The following MYH10 variants were observed in gnomAD, a reference collection of about 807,000 sequenced individuals.
The protein encoded by MYH10 is myosin heavy chain 10, also known as myosin-10.
A neutral mutation model predicts 257.8 loss-of-function variants in MYH10; 55 were observed. That is an observed-to-expected ratio of 0.21 (90% CI 0.17 to 0.27). MYH10 has a LOEUF of 0.27. Among genes scored for constraint, MYH10 ranks in the 10% least tolerant of loss-of-function variants. MYH10 has a pLI of 1.00. For synonymous variants in MYH10, 854 were observed against 921.7 expected (o/e 0.93, Z 1.33); for missense variants, 1,631 against 2,500.6 (o/e 0.65, Z 7.42).
At chr17:8,488,027 G>A (rs1302450591) in intron 35 of MYH10, among the ~76,000 whole-genome samples, 1 of 152,210 alleles carries the variant, frequency 6.6e-6, no homozygotes, top group African/African-American at 2.4e-5. Context: ...GCATGGCCAT[G>A]TTGCAGGGGT....
At chr17:8,593,237 AT>A (rs1284400455) in intron 3 of MYH10, among the ~76,000 whole-genome samples, 1 of 151,990 alleles carries the variant, frequency 6.6e-6, no homozygotes, top group Non-Finnish European at 1.5e-5. Context: ...ATCCTCTTTA[AT>A]AGTGAAAAAC....
intron 24 of MYH10, among the ~76,000 whole-genome samples, chr17:8,510,252 C>T (rs997656323): frequency 3.9e-5 from 6 of 151,936 alleles, no homozygotes; most frequent in African/African-American, 1.5e-4. Flanking sequence ...CCATGTTAGC[C>T]AGGATGGTCT....
chr17:8,536,351 A>G lies in MYH10; in HGVS notation c.1606-420T>C, dbSNP rs912936940. Among the ~76,000 whole-genome samples, 5 of 152,184 alleles carry G rather than the reference A, an allele frequency of 3.3e-5. No individual in the cohort carries two copies. The East Asian group carries it at 9.6e-4, about 29-fold the overall frequency. On this transcript the variant is annotated intron_variant, in intron 14 of 42. Transcript: ENST00000360416. ...GAATGCTTCAAACATTTTATATCCT[A>G]ATCAGTTTAAGTTTCTGTTTAAGTA...
In MYH10 at chr17:8,480,472, T is replaced by C; in HGVS notation, c.5318A>G (p.Glu1773Gly). The C allele has an allele frequency of 6.2e-7, 1 of 1,612,416 alleles. No individual in the cohort carries two copies. The highest frequency in any genetic ancestry group is 1.7e-5 in the Admixed American group (1 of 60,002). ...GCTCTGCTCCTCTTCCAGCTCCTCC[T>C]CCAGCTGTGCGATCCGAGCTTCCAG... is the stretch of plus-strand genomic sequence containing the variant. ...RRLEARIAQL[E>G]EELEEEQSNM... Residue 1773 changes from glutamate (E) to glycine (G), a missense_variant, in exon 39 of 43, where the codon GAG (glutamate) becomes GGG (glycine). Around this residue, in one of 11 missense-constraint regions of MYH10, gnomAD observed 343 missense variants for 389.5 expected, o/e 0.88. Transcript: ENST00000360416.
intron 23 of MYH10, among the ~76,000 whole-genome samples, chr17:8,512,989 T>G (rs903300328): frequency 1.3e-5 from 2 of 152,160 alleles, no homozygotes; most frequent in African/African-American, 4.8e-5. Flanking sequence ...CTAATGCCTG[T>G]TTGGTAGTAA....
At chr17:8,482,793 A>C (rs986013784) in intron 37 of MYH10, among the ~76,000 whole-genome samples, 1 of 152,256 alleles carries the variant, frequency 6.6e-6, no homozygotes, top group African/African-American at 2.4e-5. Context: ...GGTACAGAGA[A>C]TGCCTCTTGG....
chr17:8,506,451 C>G lies in MYH10; in HGVS notation c.3253G>C (p.Glu1085Gln). The change falls in exon 27 of 43, where the codon GAA becomes CAA. Residue 1085 changes from glutamate to glutamine, a missense_variant. Transcript: ENST00000360416. This position sits in a 1 kb window ranked among gnomAD's most constrained non-coding sequence, Gnocchi z 5.0. ...KKEEKTRQEL[E>Q]KAKRKLDGET... ...CCGTCGAGTTTTCTTTTGGCCTTTTCCAGTTCCTGACGAGTCTTTTCTTCC... is the reference window on the plus strand; with the variant it reads ...CCGTCGAGTTTTCTTTTGGCCTTTTGCAGTTCCTGACGAGTCTTTTCTTCC... 6.2e-7 allele frequency: 1 copy of G among 1,612,426 alleles called. No individual in the cohort carries two copies. The highest frequency in any genetic ancestry group is 8.5e-7 in the Non-Finnish European group (1 of 1,179,486).
intron 1 of MYH10, among the ~76,000 whole-genome samples, chr17:8,630,423 T>C: frequency 6.6e-6 from 1 of 151,780 alleles, no homozygotes; most frequent in East Asian, 2.0e-4. Flanking sequence ...CTCCACCCAC[T>C]GAGGTCCCAG....
chr17:8,529,680 G>A (rs2081958146), intron 17 of MYH10, among the ~76,000 whole-genome samples: 1 of 152,134 alleles, frequency 6.6e-6, no homozygotes, highest in African/African-American at 2.4e-5. Flanking sequence ...GTGATGGCAG[G>A]AATTTTGAGT....
chr17:8,604,867 A>T lies in MYH10; in HGVS notation c.461T>A (p.Ile154Asn). The change falls in exon 3 of 43, where the codon ATC becomes AAC. Residue 154 changes from isoleucine (I) to asparagine (N), a missense_variant. Physicochemically the swap from Ile to Asn is moderately radical, Grantham distance 149. This residue lies in a region of MYH10 where 360 missense variants were observed against 581.9 expected (regional missense o/e 0.62). Coordinates refer to ENST00000360416, the MANE Select transcript of MYH10 (RefSeq NM_001256012.3). ...GTAAGCAGATTCAGATATAGCATAG[A>T]TGTGTGGAGGCATCTCATGACGCTT... ...GKKRHEMPPH[I>N]YAISESAYRC... 6.2e-7 allele frequency: 1 copy of T among 1,604,088 alleles called. No homozygotes were observed. The highest frequency in any genetic ancestry group is 8.5e-7 in the Non-Finnish European group (1 of 1,174,770).
chr17:8,492,717 A>G, intron 33 of MYH10, 59 bp downstream of exon 33: 1 of 1,566,238 alleles, frequency 6.4e-7, no homozygotes, highest in Non-Finnish European at 8.6e-7. Flanking sequence ...AGATTATTTT[A>G]AACCAAACGA....
At chr17:8,603,981 T>C (rs1020682382) in intron 3 of MYH10, among the ~76,000 whole-genome samples, 1 of 152,166 alleles carries the variant, frequency 6.6e-6, no homozygotes, top group African/African-American at 2.4e-5. Context: ...TATTAATTCC[T>C]TCACACTATC....
intron 2 of MYH10, among the ~76,000 whole-genome samples, chr17:8,609,000 A>T (rs917664211): frequency 2.0e-5 from 3 of 152,030 alleles, no homozygotes; most frequent in Non-Finnish European, 2.9e-5. Context: ...TTTAGTAGAG[A>T]CGGGGTTTCA....
intron 2 of MYH10, among the ~76,000 whole-genome samples, chr17:8,609,981 G>A (rs1045985258): frequency 2.6e-5 from 4 of 151,476 alleles, no homozygotes; most frequent in Non-Finnish European, 4.4e-5. Flanking sequence ...GCTAACAAAC[G>A]CAGAAGGAAT....
intron 2 of MYH10, among the ~76,000 whole-genome samples, chr17:8,609,298 TG>T (rs2084936249): frequency 6.6e-6 from 1 of 152,060 alleles, no homozygotes; most frequent in African/African-American, 2.4e-5. Flanking sequence ...GGGAATATCA[TG>T]TAACCCTACA....
At chr17:8,480,002 T>A (rs1913407328) in intron 40 of MYH10, 108 bp downstream of exon 40, 1 of 1,052,664 alleles carries the variant, frequency 9.5e-7, no homozygotes, top group East Asian at 2.4e-5. Flanking sequence ...TGGTTATATG[T>A]GTTCTCTGCC....
chr17:8,542,393 A>T, intron 13 of MYH10, 113 bp from the exon 14 acceptor site: 1 of 880,014 alleles, frequency 1.1e-6, no homozygotes. Context: ...ATTAGGTAGG[A>T]AGTACATGAT....
rs1354913292 is a variant in MYH10 at position 8,535,529 on chromosome 17, G to A, written c.1780-28C>T. ...ATCCCGCACCAAAGCCAAAAGTGGT[G>A]AAATGGAGAACACAAAACCAAATGC... On this transcript the variant is annotated intron_variant, in intron 15 of 42. Coordinates refer to ENST00000360416, the MANE Select transcript of MYH10 (RefSeq NM_001256012.3). This position sits in a 1 kb window ranked among gnomAD's most constrained non-coding sequence, Gnocchi z 4.3. 1 of 1,559,978 alleles carries A rather than the reference G, an allele frequency of 6.4e-7. No individual in the cohort carries two copies. The highest frequency in any genetic ancestry group is 1.2e-5 in the South Asian group (1 of 86,850).
chr17:8,553,805 T>C (rs1471437410), intron 8 of MYH10, 150 bp downstream of exon 8: 2 of 606,832 alleles, frequency 3.3e-6, no homozygotes, highest in Non-Finnish European at 6.0e-6. Context: ...TAATATTCAC[T>C]AGTCGAAAGT....
Sources: allele counts gnomAD v4.1 joint callset (sites outside exome capture counted in the v4.1 genomes callset), GRCh38; gene constraint gnomAD v4.1.1; regional missense constraint gnomAD v4.1.1; non-coding constraint Gnocchi (gnomAD v3.1); transcripts MANE v1.5; gene names NCBI Gene and HGNC (gene_info 2026-07-23, HGNC 2026-07-21).